Variants in VPS13B observed in about 807,000 individuals in gnomAD.
VPS13B encodes the protein intermembrane lipid transfer protein VPS13B.
Under a neutral mutation model 426.4 loss-of-function variants are expected in VPS13B, and 285 were observed. That is an observed-to-expected ratio of 0.67 (90% CI 0.61 to 0.74). The LOEUF is 0.74. Ranked by LOEUF, VPS13B falls within the 30% of genes least tolerant of loss-of-function variation. The pLI is 0.00. For missense variants in VPS13B, 4,537 were observed against 4,782.6 expected (o/e 0.95, Z 1.51); for synonymous variants, 1,676 against 1,676.4 (o/e 1.00, Z 0.01).
intron 19 of VPS13B, 75 bp downstream of exon 19, chr8:99,275,329 G>A: frequency 3.7e-6 from 5 of 1,345,072 alleles, no homozygotes; most frequent in Non-Finnish European, 3.9e-6. Context: ...TTTAAAATTG[G>A]TATATATTTT....
intron 24 of VPS13B, among the ~76,000 whole-genome samples, chr8:99,474,067 T>A (rs1819554917): frequency 6.6e-6 from 1 of 152,176 alleles, no homozygotes; most frequent in South Asian, 2.1e-4. Context: ...GATCTTGATA[T>A]TGGGCGTAAT....
intron 17 of VPS13B, among the ~76,000 whole-genome samples, chr8:99,207,442 T>C (rs538201988): frequency 1.5e-3 from 233 of 152,302 alleles, no homozygotes; most frequent in African/African-American, 4.8e-3. Flanking sequence ...TTTTTTCTGA[T>C]GATACTTCAT....
chr8:99,606,624 CTTTTCTTTT>C (rs1305612545), intron 33 of VPS13B, among the ~76,000 whole-genome samples: 1 of 137,238 alleles, frequency 7.3e-6, no homozygotes, highest in East Asian at 2.4e-4. Context: ...TTTTCTTTTT[CTTTTCTTTT>C]TTTTTTTTTT....
intron 59 of VPS13B, among the ~76,000 whole-genome samples, chr8:99,869,292 C>A (rs1817269074): frequency 1.3e-5 from 2 of 152,346 alleles, no homozygotes; most frequent in Non-Finnish European, 2.9e-5. Flanking sequence ...GTGTCTGCAT[C>A]CGCATCTGGC....
chr8:99,628,293 G>A (rs1443402158), intron 33 of VPS13B, among the ~76,000 whole-genome samples: 1 of 152,172 alleles, frequency 6.6e-6, no homozygotes, highest in Admixed American at 6.5e-5. Context: ...CCTGGTTCCA[G>A]CACCTTGCAA....
At chr8:99,295,894 A>G (rs1174920581) in intron 19 of VPS13B, among the ~76,000 whole-genome samples, 1 of 152,128 alleles carries the variant, frequency 6.6e-6, no homozygotes, top group African/African-American at 2.4e-5. Flanking sequence ...TTAGCTGGGC[A>G]TGGTAGCATG....
intron 30 of VPS13B, among the ~76,000 whole-genome samples, chr8:99,525,846 C>G (rs1181045982): frequency 2.6e-5 from 4 of 152,114 alleles, no homozygotes; most frequent in Non-Finnish European, 5.9e-5. Flanking sequence ...TAGAAGACAC[C>G]TCACTGAGAA....
At chr8:99,417,261 G>A (rs1434967479) in intron 21 of VPS13B, among the ~76,000 whole-genome samples, 1 of 152,114 alleles carries the variant, frequency 6.6e-6, no homozygotes, top group Non-Finnish European at 1.5e-5. Flanking sequence ...AATGATAAAA[G>A]CCAAAGAGTG....
chr8:99,762,399 A>G (rs558875125), intron 39 of VPS13B, among the ~76,000 whole-genome samples: 1 of 152,124 alleles, frequency 6.6e-6, no homozygotes, highest in Non-Finnish European at 1.5e-5. Flanking sequence ...GCTGGTTGTT[A>G]TGAGTGTCTT....
chr8:99,366,611 A>G (rs757068839), intron 19 of VPS13B, among the ~76,000 whole-genome samples: 44 of 150,532 alleles, frequency 2.9e-4, no homozygotes, highest in Middle Eastern at 3.4e-3. Flanking sequence ...GTTATTATTG[A>G]TAAGTAAAGA....
chr8:99,055,039 TTTTTG>T (rs1843763378), intron 3 of VPS13B, among the ~76,000 whole-genome samples: 1 of 80,844 alleles, frequency 1.2e-5, no homozygotes, highest in Non-Finnish European at 2.8e-5. Context: ...TTCTGTTTTT[TTTTTG>T]TTTTTTTTTT....
chr8:99,082,733 T>G (rs572201442), intron 3 of VPS13B, among the ~76,000 whole-genome samples: 1 of 152,178 alleles, frequency 6.6e-6, no homozygotes, highest in African/African-American at 2.4e-5. Flanking sequence ...TTTCCCCATT[T>G]CTTGTTTTTG....
intron 30 of VPS13B, among the ~76,000 whole-genome samples, chr8:99,541,502 C>G (rs1823617126): frequency 6.6e-6 from 1 of 152,104 alleles, no homozygotes; most frequent in Non-Finnish European, 1.5e-5. Flanking sequence ...TTCCCCTTCC[C>G]CCTGCACCCG....
intron 5 of VPS13B, among the ~76,000 whole-genome samples, chr8:99,106,446 A>AC (rs1388605993): frequency 2.7e-5 from 4 of 150,632 alleles, no homozygotes; most frequent in African/African-American, 9.7e-5. Flanking sequence ...AAAAAAAAAA[A>AC]AAAAAAAACC....
intron 3 of VPS13B, among the ~76,000 whole-genome samples, chr8:99,075,193 A>T (rs1004816287): frequency 2.0e-5 from 3 of 152,158 alleles, no homozygotes; most frequent in Non-Finnish European, 4.4e-5. Flanking sequence ...CGATGTTATA[A>T]AGGAATACCT....
chr8:99,696,735 G>T, intron 35 of VPS13B: 5 of 1,041,692 alleles, frequency 4.8e-6, no homozygotes, highest in East Asian at 2.4e-5. Flanking sequence ...CAGAAGATCC[G>T]GGGGATGGGG....
intron 19 of VPS13B, among the ~76,000 whole-genome samples, chr8:99,344,377 C>T (rs1811418132): frequency 6.6e-6 from 1 of 152,136 alleles, no homozygotes; most frequent in African/African-American, 2.4e-5. Flanking sequence ...GAAAGCTCCT[C>T]AATATTAGTC....
At chr8:99,100,496 C>T (rs1846674652) in intron 4 of VPS13B, among the ~76,000 whole-genome samples, 1 of 151,890 alleles carries the variant, frequency 6.6e-6, no homozygotes, top group African/African-American at 2.4e-5. Context: ...TACCATGTTG[C>T]CCAGGCTGAT....
chr8:99,321,210 C>CTTTTTTTTTTTTTTTT (rs58817658), intron 19 of VPS13B, among the ~76,000 whole-genome samples: 2 of 93,970 alleles, frequency 2.1e-5, no homozygotes, highest in Middle Eastern at 5.8e-3. Flanking sequence ...TTTTCTTTTT[C>CTTTTTTTTTTTTTTTT]TTTTTTTTTT....
Sources: gnomAD v4.1 joint callset for allele counts (sites outside exome capture counted in the v4.1 genomes callset) on GRCh38, gnomAD v4.1.1 for gene constraint, MANE v1.5 for transcripts, NCBI Gene and HGNC (gene_info 2026-07-23, HGNC 2026-07-21) for gene names.